The following CACNA1C variants were observed in gnomAD, a reference collection of about 807,000 sequenced individuals.
The protein encoded by CACNA1C is voltage-dependent L-type calcium channel subunit alpha-1C.
In CACNA1C, 30 loss-of-function variants were observed where a neutral mutation model predicts 229.0. The observed-to-expected ratio is 0.13, with a 90% CI of 0.10 to 0.18. The LOEUF (loss-of-function observed/expected upper bound fraction) is 0.18. Ranked by LOEUF, CACNA1C falls within the 10% of genes least tolerant of loss-of-function variation. The pLI is 1.00. For synonymous variants in CACNA1C, 1,114 were observed against 1,132.5 expected, an observed-to-expected ratio of 0.98 and a Z score of 0.33; for missense variants, 1,658 against 2,845.0, an observed-to-expected ratio of 0.58 and a Z score of 9.49.
intron 9 of CACNA1C, among the ~76,000 whole-genome samples, chr12:2,538,428 T>C (rs1298082067): frequency 6.6e-6 from 1 of 152,208 alleles, no homozygotes; most frequent in African/African-American, 2.4e-5. Context: ...TGCTGTGGCC[T>C]GGGAACTGTG....
intron 3 of CACNA1C, among the ~76,000 whole-genome samples, chr12:2,154,280 G>C (rs1463276252): frequency 6.6e-6 from 1 of 152,200 alleles, no homozygotes; most frequent in African/African-American, 2.4e-5. Context: ...GGCCGGGGAG[G>C]GACAGGGGAT....
intron 34 of CACNA1C, among the ~76,000 whole-genome samples, chr12:2,662,013 C>A (rs1434699961): frequency 2.0e-5 from 3 of 152,114 alleles, no homozygotes; most frequent in Non-Finnish European, 2.9e-5. Context: ...GAGGCCAAGG[C>A]GGGTGGATCA....
At chr12:2,612,669 C>T (rs1480698934) in intron 29 of CACNA1C, 1 of 152,292 alleles carries the variant, frequency 6.6e-6, no homozygotes, top group East Asian at 1.9e-4. Flanking sequence ...GAGGCAGGGT[C>T]AGAATTCCTG....
At chr12:2,303,064 G>A (rs938915267) in intron 3 of CACNA1C, among the ~76,000 whole-genome samples, 3 of 152,242 alleles carry the variant, frequency 2.0e-5, no homozygotes, top group Non-Finnish European at 4.4e-5. Flanking sequence ...GCGGGAAACC[G>A]GCCGTGGGAG....
At chr12:2,283,210 C>G (rs1162061367) in intron 3 of CACNA1C, among the ~76,000 whole-genome samples, 1 of 152,124 alleles carries the variant, frequency 6.6e-6, no homozygotes, top group Admixed American at 6.5e-5. Context: ...TGGCTGGAAA[C>G]TGCATTTTGA....
chr12:2,381,740 T>A (rs1205228933), intron 3 of CACNA1C, among the ~76,000 whole-genome samples: 1 of 152,196 alleles, frequency 6.6e-6, no homozygotes, highest in African/African-American at 2.4e-5. Context: ...CATCTCACCA[T>A]CTCTAGCTTT....
intron 3 of CACNA1C, among the ~76,000 whole-genome samples, chr12:2,234,148 T>C (rs2066407824): frequency 6.6e-6 from 1 of 152,222 alleles, no homozygotes; most frequent in Non-Finnish European, 1.5e-5. Flanking sequence ...TGCAGCCTTT[T>C]CAAACGAGTC....
chr12:2,634,116 T>A (rs2091819471), intron 29 of CACNA1C, among the ~76,000 whole-genome samples, 181 bp from the exon 30 acceptor site: 1 of 152,050 alleles, frequency 6.6e-6, no homozygotes, highest in South Asian at 2.1e-4. Context: ...AACTGTAGAG[T>A]GGTAAGAGAG....
intron 9 of CACNA1C, among the ~76,000 whole-genome samples, chr12:2,547,116 G>T (rs573306945): frequency 1.4e-4 from 21 of 152,130 alleles, no homozygotes; most frequent in Non-Finnish European, 2.6e-4. Context: ...GAAACAACAG[G>T]GATGAGTGGC....
chr12:2,358,569 G>C (rs934751564), intron 3 of CACNA1C, among the ~76,000 whole-genome samples: 2 of 152,110 alleles, frequency 1.3e-5, no homozygotes, highest in Non-Finnish European at 2.9e-5. Context: ...TGCCAATTCT[G>C]TTGGGAAGAC....
At chr12:2,274,514 A>G (rs376121757) in intron 3 of CACNA1C, among the ~76,000 whole-genome samples, 4 of 152,186 alleles carry the variant, frequency 2.6e-5, no homozygotes, top group African/African-American at 9.7e-5. Flanking sequence ...GAGACTTGTG[A>G]GAGAGAACAG....
chr12:2,488,444 C>G lies in CACNA1C; in HGVS notation c.916+2182C>G, dbSNP rs1251340993. On this transcript the variant is annotated intron_variant, in intron 6 of 46. Transcript: ENST00000399655. The surrounding 1 kb of genome is among the most constrained non-coding windows in gnomAD (Gnocchi z 4.0). ...CGCCCCAACGCCCCAAGTACCGAAC[C>G]TGTCATGGCCTCCTCTTCTCTTAGG... is the stretch of plus-strand genomic sequence containing the variant. Among the ~76,000 whole-genome samples the G allele has an allele frequency of 6.6e-6, 1 of 152,244 alleles. No homozygotes were observed. Among genetic ancestry groups the G allele is most frequent in the African/African-American group, 2.4e-5 (1 of 41,472 alleles).
chr12:2,156,207 ATGT>A (rs1406421545), intron 3 of CACNA1C, among the ~76,000 whole-genome samples: 1 of 152,258 alleles, frequency 6.6e-6, no homozygotes, highest in African/African-American at 2.4e-5. Context: ...AGTCAAGGTA[ATGT>A]TGTGTTTCTG....
intron 3 of CACNA1C, among the ~76,000 whole-genome samples, chr12:2,373,773 G>A (rs2097937279): frequency 1.3e-5 from 2 of 152,100 alleles, no homozygotes; most frequent in African/African-American, 4.8e-5. Context: ...CTTTCCATTA[G>A]TGGCGATTAA....
At chr12:2,587,492 G>A (rs941723072) in intron 18 of CACNA1C, among the ~76,000 whole-genome samples, 4 of 152,216 alleles carry the variant, frequency 2.6e-5, no homozygotes, top group African/African-American at 7.2e-5. Flanking sequence ...AGGCCTGTAC[G>A]GCAGATACAC....
chr12:2,075,464 T>A (rs2062852993), intron 1 of CACNA1C, among the ~76,000 whole-genome samples: 1 of 152,216 alleles, frequency 6.6e-6, no homozygotes, highest in Non-Finnish European at 1.5e-5. Flanking sequence ...CAGGGCCTCA[T>A]TAATTTGCTC....
intron 8 of CACNA1C, among the ~76,000 whole-genome samples, chr12:2,507,834 A>G (rs549438898): frequency 1.1e-3 from 162 of 152,308 alleles, no homozygotes; most frequent in African/African-American, 3.7e-3. Flanking sequence ...CATCACTTCT[A>G]TCCCTGACCT....
rs7958179 is a variant in CACNA1C at position 1,977,613 on chromosome 12, A to G, written c.139+6412A>G. 5.6e-3 allele frequency among the ~76,000 whole-genome samples: 856 copies of G among 152,356 alleles called. 8 individuals carry two copies. The highest frequency in any genetic ancestry group is 9.4e-3 in the Non-Finnish European group (637 of 68,040). On this transcript the variant is annotated intron_variant, in intron 1 of 46. Transcript: ENST00000682462. ...TTATTTGGCACCACAGAATATAAGT[A>G]AAATATAAGATATGGTCTTTGCCCA...
chr12:2,686,309 C>T (rs1183626397), intron 45 of CACNA1C, 40 bp downstream of exon 45: 2 of 1,407,086 alleles, frequency 1.4e-6, no homozygotes, highest in African/African-American at 2.8e-5. Flanking sequence ...CACCTGCCAG[C>T]AGGCCAGACA....
Sources: allele counts gnomAD v4.1 joint callset (sites outside exome capture counted in the v4.1 genomes callset), GRCh38; gene constraint gnomAD v4.1.1; non-coding constraint Gnocchi (gnomAD v3.1); transcripts MANE v1.5; gene names NCBI Gene and HGNC (gene_info 2026-07-23, HGNC 2026-07-21).